USP47: variants seen among roughly 807,000 people sequenced by gnomAD.
USP47 encodes ubiquitin carboxyl-terminal hydrolase 47.
USP47 carries 35 observed loss-of-function variants against 165.1 expected under a neutral mutation model. The observed-to-expected ratio is 0.21, with a 90% confidence interval of 0.16 to 0.28. The LOEUF is 0.28. Among genes scored for constraint, USP47 ranks in the 10% least tolerant of loss-of-function variants. The probability of loss-of-function intolerance (pLI) is 1.00; values close to 1 mark genes in which losing one functional copy is unlikely to be tolerated. For missense variants in USP47, 1,277 were observed against 1,607.4 expected (o/e 0.79, Z 3.52); for synonymous variants, 531 against 544.5 (o/e 0.98, Z 0.35).
In USP47 at chr11:11,896,968, A is replaced by G. The variant is rs188196508; in HGVS notation, c.497-629A>G. On this transcript the variant is annotated intron_variant, in intron 4 of 27. Transcript: ENST00000527733. ...ATAAGTACAGATGGTGTGGATACAT[A>G]TCACCCTTTGCACAGCATGCTGATC... is the stretch of plus-strand genomic sequence containing the variant. 1.5e-4 allele frequency among the ~76,000 whole-genome samples: 23 copies of G among 152,036 alleles called. No individual in the cohort carries two copies. The East Asian group carries it at 3.3e-3, about 22-fold the overall frequency.
chr11:11,877,787 CTT>C lies in USP47; in HGVS notation c.40-2388_40-2387del, dbSNP rs1264546807. Among the ~76,000 whole-genome samples the C allele has an allele frequency of 2.5e-3, 317 of 127,890 alleles. 2 individuals are homozygous for C. The highest frequency in any genetic ancestry group is 7.6e-3 in the African/African-American group (235 of 31,116). 83.9% of individuals were successfully genotyped at this position (127,890 alleles called of 152,430 possible). A position where few individuals can be genotyped will look rare whatever the true frequency, so the allele number is the denominator to read the frequency against. ...AGCCTTTCTCTCTCTCTCTCTCTCT[CTT>C]TCTCTCTCTCTCTCTCTGTGTGTGT... On this transcript the variant is annotated intron_variant, in intron 1 of 27. Coordinates refer to ENST00000527733, the MANE Select transcript of USP47 (RefSeq NM_001282659.2).
chr11:11,849,447 T>G (rs1370720825), intron 1 of USP47, among the ~76,000 whole-genome samples: 1 of 152,142 alleles, frequency 6.6e-6, no homozygotes, highest in Non-Finnish European at 1.5e-5. Context: ...CTGCCAAATA[T>G]TCTTCTGCAC....
Position 11,950,348 on chromosome 11 carries a change from C to A in USP47, c.3465-16C>A. On this transcript the variant is annotated splice_polypyrimidine_tract_variant and intron_variant, in intron 23 of 27. Transcript: ENST00000527733. ...TTCAAATTATAGTCGTTTTAAATGTCTTATCACATTTGTAGGTTTCGTCTA... is the reference window on the plus strand; with the variant it reads ...TTCAAATTATAGTCGTTTTAAATGTATTATCACATTTGTAGGTTTCGTCTA... 6.7e-7 allele frequency: 1 copy of A among 1,500,744 alleles called. No individual in the cohort carries two copies. Among genetic ancestry groups the A allele is most frequent in the Non-Finnish European group, 9.1e-7 (1 of 1,103,038 alleles). 93.0% of individuals were successfully genotyped at this position (1,500,744 alleles called of 1,614,324 possible).
At chr11:11,938,501 C>A in intron 18 of USP47, 129 bp downstream of exon 18, 1 of 667,704 alleles carries the variant, frequency 1.5e-6, no homozygotes, top group Admixed American at 2.9e-5. Context: ...AGTTAGGAGA[C>A]AACTGTAGTT....
At position 11,954,920 on chromosome 11, in the gene USP47, T is replaced by C; in HGVS notation, c.3738T>C (p.Pro1246=). Residue 1246 remains proline, a synonymous_variant, in exon 26 of 28, where the codon CCT becomes CCC. Transcript: ENST00000527733. ...AGCTTAGTGAAATCAGTGGGATTCCTTTGGATGATATTGAATTTGCTAAGG... is the reference window on the plus strand; with the variant it reads ...AGCTTAGTGAAATCAGTGGGATTCCCTTGGATGATATTGAATTTGCTAAGG... ...REKLSEISGI[P]LDDIEFAKGR... The C allele has an allele frequency of 6.2e-7, 1 of 1,613,914 alleles. No individual in the cohort carries two copies.
At chr11:11,871,362 G>C (rs1850031391) in intron 1 of USP47, among the ~76,000 whole-genome samples, 2 of 151,622 alleles carry the variant, frequency 1.3e-5, no homozygotes, top group African/African-American at 4.8e-5. Flanking sequence ...AATTAGCTGG[G>C]CATGGTGGTG....
In USP47 at chr11:11,949,891, A is replaced by T; in HGVS notation, c.3351A>T (p.Pro1117=). 6.2e-7 allele frequency: 1 copy of T among 1,604,682 alleles called. No homozygotes were observed. Among genetic ancestry groups the T allele is most frequent in the Non-Finnish European group, 8.5e-7 (1 of 1,172,850 alleles). ...ATTGTTTATGTTTATATTTCTAGCC[A>T]TGCAAGTTTCTGCTAGATGCTGTGT... ...VYQLLVNEQE[P]CKFLLDAVFA... Residue 1117 remains proline (P), a splice_region_variant and synonymous_variant, in exon 23 of 28, where the codon CCA becomes CCT. Transcript: ENST00000527733.
At chr11:11,887,421 T>A in intron 3 of USP47, among the ~76,000 whole-genome samples, 1 of 149,546 alleles carries the variant, frequency 6.7e-6, no homozygotes, top group Non-Finnish European at 1.5e-5. Flanking sequence ...AAAGCAGGAG[T>A]CGCAATCCTA....
intron 2 of USP47, among the ~76,000 whole-genome samples, chr11:11,881,279 C>T (rs1463351246): frequency 6.6e-6 from 1 of 152,056 alleles, no homozygotes; most frequent in East Asian, 1.9e-4. Flanking sequence ...GGGTTAGGAG[C>T]TGATCAGTAC....
intron 1 of USP47, chr11:11,856,855 G>C (rs964634800): frequency 1.3e-5 from 2 of 152,422 alleles, no homozygotes; most frequent in African/African-American, 4.8e-5. Flanking sequence ...ATTTTTGTGG[G>C]CATTTGGCTT....
intron 1 of USP47, among the ~76,000 whole-genome samples, chr11:11,853,576 A>T (rs533609183): frequency 6.6e-5 from 10 of 152,366 alleles, no homozygotes; most frequent in African/African-American, 2.4e-4. Flanking sequence ...TAGTGTGAGT[A>T]AATAGATGCG....
intron 3 of USP47, among the ~76,000 whole-genome samples, chr11:11,885,925 G>T (rs943117825): frequency 6.6e-6 from 1 of 152,188 alleles, no homozygotes; most frequent in Non-Finnish European, 1.5e-5. Flanking sequence ...CTTCACTGGT[G>T]ATACCTCCAG....
At position 11,960,476 on chromosome 11, in the gene USP47, T is replaced by C. The variant is rs1179024219; in HGVS notation, c.*4301T>C. 6.6e-6 allele frequency among the ~76,000 whole-genome samples: 1 copy of C among 152,200 alleles called. No individual in the cohort carries two copies. The highest frequency in any genetic ancestry group is 2.4e-5 in the African/African-American group (1 of 41,452). ...GACACTTCTCTGCAGTGAATACCAC[T>C]ATCCCATGCTGCACTAGTCCCTACC... On this transcript the variant is annotated 3_prime_UTR_variant, in exon 28 of 28. Transcript: ENST00000527733.
chr11:11,922,943 T>A, intron 11 of USP47, 52 bp downstream of exon 11: 1 of 1,546,196 alleles, frequency 6.5e-7, no homozygotes, highest in Non-Finnish European at 8.8e-7. Flanking sequence ...AATCTCTGAC[T>A]TCCTATATAA....
At chr11:11,918,369 A>G (rs1263403449) in intron 8 of USP47, among the ~76,000 whole-genome samples, 1 of 152,144 alleles carries the variant, frequency 6.6e-6, no homozygotes, top group African/African-American at 2.4e-5. Context: ...CTTGAGACAG[A>G]TTGTGTACTA....
At chr11:11,886,409 A>G (rs1377595515) in intron 3 of USP47, among the ~76,000 whole-genome samples, 2 of 152,216 alleles carry the variant, frequency 1.3e-5, no homozygotes, top group East Asian at 3.8e-4. Flanking sequence ...CTGACCTGAT[A>G]GAGCTGAAAA....
chr11:11,901,697 G>A (rs188010228), intron 5 of USP47, among the ~76,000 whole-genome samples: 1 of 152,146 alleles, frequency 6.6e-6, no homozygotes, highest in East Asian at 1.9e-4. Flanking sequence ...AGTGGCTCAC[G>A]CTTGTAATCC....
chr11:11,954,603 A>G (rs1856443463), intron 25 of USP47, among the ~76,000 whole-genome samples: 1 of 152,214 alleles, frequency 6.6e-6, no homozygotes, highest in African/African-American at 2.4e-5. Flanking sequence ...GTCACTTTGT[A>G]TCCTATTCCT....
intron 1 of USP47, among the ~76,000 whole-genome samples, chr11:11,862,657 A>C (rs1849448818): frequency 6.6e-6 from 1 of 152,222 alleles, no homozygotes; most frequent in African/African-American, 2.4e-5. Context: ...CAGTGGTAGA[A>C]AAGCTAAGGC....
Sources: allele counts gnomAD v4.1 joint callset (sites outside exome capture counted in the v4.1 genomes callset), GRCh38; gene constraint gnomAD v4.1.1; transcripts MANE v1.5; gene names NCBI Gene and HGNC (gene_info 2026-07-23, HGNC 2026-07-21).